The following TASOR variants were observed in gnomAD, a reference collection of about 807,000 sequenced individuals.
TASOR encodes the protein protein TASOR.
TASOR carries 53 observed loss-of-function variants against 178.6 expected under a neutral mutation model. That is an observed-to-expected ratio of 0.30 (90% CI 0.24 to 0.37). TASOR has a LOEUF of 0.37. TASOR is among the 10% of genes least tolerant of loss of function. The probability of loss-of-function intolerance (pLI) is 1.00; values close to 1 mark genes in which losing one functional copy is unlikely to be tolerated. For synonymous variants in TASOR, 713 were observed against 696.2 expected (o/e 1.02, Z -0.38); for missense variants, 1,815 against 1,971.4 (o/e 0.92, Z 1.50).
At chr3:56,671,477 A>G (rs1380019715) in intron 3 of TASOR, 123 bp downstream of exon 3, 8 of 631,300 alleles carry the variant, frequency 1.3e-5, no homozygotes, top group Non-Finnish European at 2.1e-5. Context: ...CCATTAAATC[A>G]TGTATTCCAC....
rs1490306633 is a variant in TASOR, at chr3:56,623,174, G to A, written c.4876C>T (p.Leu1626Phe). 1 of 1,613,618 alleles carries A rather than the reference G, an allele frequency of 6.2e-7. No individual in the cohort carries two copies. The highest frequency in any genetic ancestry group is 8.5e-7 in the Non-Finnish European group (1 of 1,179,858). ...TTTTCTTGAGACTGACTTGATGAAA[G>A]GGCATATGGTGTCCCCAAAAATGTC... ...HQTFLGTPYA[L>F]SSSQSQENEN... The change falls in exon 24 of 24, where the codon CTT becomes TTT. Residue 1626 changes from leucine (L) to phenylalanine (F), a missense_variant. Coordinates refer to ENST00000683822, the MANE Select transcript of TASOR (RefSeq NM_001365635.2).
intron 5 of TASOR, 55 bp downstream of exon 5, chr3:56,669,645 T>G: frequency 2.6e-6 from 3 of 1,139,648 alleles, no homozygotes; most frequent in Non-Finnish European, 3.8e-6. Flanking sequence ...ATCTAAAAAT[T>G]AAAATCCAAA....
Position 56,621,818 on chromosome 3 carries a change from TAAA to T in TASOR, c.*1216_*1218del, listed in dbSNP as rs11401064. 4.1e-4 allele frequency: 55 copies of T among 134,020 alleles called. No homozygotes were observed. Among genetic ancestry groups the T allele is most frequent in the Middle Eastern group, 3.5e-3 (1 of 286 alleles). 8.3% of individuals were successfully genotyped at this position (134,020 alleles called of 1,614,324 possible). On this transcript the variant is annotated 3_prime_UTR_variant, in exon 24 of 24. Coordinates refer to ENST00000683822, the MANE Select transcript of TASOR (RefSeq NM_001365635.2). ...TACTTCTTTTGTAAAAGCTTAGTAGTAAAAAAAAAAAAAAAAAAACCGGTTCTT... is the reference window on the plus strand; with the variant it reads ...TACTTCTTTTGTAAAAGCTTAGTAGTAAAAAAAAAAAAAAAACCGGTTCTT...
intron 1 of TASOR, among the ~76,000 whole-genome samples, chr3:56,677,749 A>G (rs2031437529): frequency 6.6e-6 from 1 of 152,182 alleles, no homozygotes; most frequent in Non-Finnish European, 1.5e-5. Context: ...TCGTTCTAAT[A>G]CTGCTCTTTC....
chr3:56,638,181 A>T lies in TASOR; in HGVS notation c.2824+525T>A, dbSNP rs185930607. Among the ~76,000 whole-genome samples the T allele has an allele frequency of 3.3e-5, 5 of 152,216 alleles. No individual in the cohort carries two copies. In the South Asian group the frequency reaches 1.0e-3, roughly 32 times the overall value. ...GGAGTTTGAGACCAGCCTGGCAAAC[A>T]TGGTGAAATCCCGTCTCTACTAAAA... On this transcript the variant is annotated intron_variant, in intron 17 of 23. Coordinates refer to ENST00000683822, the MANE Select transcript of TASOR (RefSeq NM_001365635.2).
At chr3:56,665,743 A>G (rs6787227) in intron 7 of TASOR, among the ~76,000 whole-genome samples, 93,542 of 151,742 alleles carry the variant, frequency 0.62, 31,444 homozygotes, top group East Asian at 0.96. Context: ...AGGTCGAGGC[A>G]GTAAGATCCC....
rs1256477383 is a variant in TASOR at position 56,647,160 on chromosome 3, T to C, written c.1577A>G (p.Lys526Arg). ...ERHESMPDVL[K>R]IAQFLQFSLI... Reference sequence around the variant, plus strand: ...AGAAAATTGTAAAAACTGAGCTATTTTTAATACATCTGGCATGCTCTCATG... The same window carrying C: ...AGAAAATTGTAAAAACTGAGCTATTCTTAATACATCTGGCATGCTCTCATG... The change falls in exon 14 of 24, where the codon AAA (lysine) becomes AGA (arginine). Residue 526 changes from lysine (K) to arginine (R), a missense_variant. Around this residue, in one of 5 missense-constraint regions of TASOR, gnomAD observed 504 missense variants for 645.3 expected, o/e 0.78. Coordinates refer to ENST00000683822, the MANE Select transcript of TASOR (RefSeq NM_001365635.2). 3 of 1,600,928 alleles carry C rather than the reference T, an allele frequency of 1.9e-6. No individual in the cohort carries two copies. The highest frequency in any genetic ancestry group is 2.5e-6 in the Non-Finnish European group (3 of 1,176,674).
intron 11 of TASOR, among the ~76,000 whole-genome samples, chr3:56,657,527 T>G (rs546165461): frequency 6.6e-6 from 1 of 152,256 alleles, no homozygotes; most frequent in Admixed American, 6.5e-5. Context: ...TACCTTAAGA[T>G]TTAGATCTGT....
At chr3:56,662,246 C>A in intron 9 of TASOR, 139 bp downstream of exon 9, 1 of 599,070 alleles carries the variant, frequency 1.7e-6, no homozygotes, top group Non-Finnish European at 3.0e-6. Context: ...TTCAAATCAA[C>A]CATTTAAAAA....
intron 5 of TASOR, among the ~76,000 whole-genome samples, chr3:56,669,355 T>C (rs2030415589): frequency 6.6e-6 from 1 of 151,954 alleles, no homozygotes; most frequent in African/African-American, 2.4e-5. Flanking sequence ...TACAAAAAAT[T>C]AGCCGGGCTT....
In TASOR at chr3:56,653,072, G is replaced by A. The variant is rs2077385463; in HGVS notation, c.1369-4015C>T. Among the ~76,000 whole-genome samples, 3 of 151,820 alleles carry A rather than the reference G, an allele frequency of 2.0e-5. No individual in the cohort carries two copies. The South Asian group carries it at 6.2e-4, about 32-fold the overall frequency. On this transcript the variant is annotated intron_variant, in intron 11 of 23. Transcript: ENST00000683822. ...CTGAGGTCAGGAGTTCACAACCACT[G>A]GCCAACATGGCGAAACCCTGTCTCT... is the stretch of plus-strand genomic sequence containing the variant.
chr3:56,621,706 C>CTAGAT lies in TASOR; in HGVS notation c.*1326_*1330dup. On this transcript the variant is annotated 3_prime_UTR_variant, in exon 24 of 24. Coordinates refer to ENST00000683822, the MANE Select transcript of TASOR (RefSeq NM_001365635.2). ...GGCTCAACTGTATTTTTCAAATAGC[C>CTAGAT]TAGATTTACTTATTTTTTTAAATGC... is the stretch of plus-strand genomic sequence containing the variant. The CTAGAT allele has an allele frequency of 1.2e-6, 1 of 836,078 alleles. No homozygotes were observed. Among genetic ancestry groups the CTAGAT allele is most frequent in the African/African-American group, 1.7e-5 (1 of 58,050 alleles). The allele number at this position is 836,078 out of a possible 1,614,324, so 51.8% of individuals were successfully genotyped here. A position where few individuals can be genotyped will look rare whatever the true frequency, so the allele number is the denominator to read the frequency against.
chr3:56,640,619 A>C (rs560971054), intron 15 of TASOR, among the ~76,000 whole-genome samples: 104 of 152,292 alleles, frequency 6.8e-4, no homozygotes, highest in African/African-American at 2.3e-3. Flanking sequence ...CCCTTGAAAT[A>C]AATATCCCAA....
At position 56,624,564 on chromosome 3, in the gene TASOR, A is replaced by G; in HGVS notation, c.4398T>C (p.Phe1466=). 6.2e-7 allele frequency: 1 copy of G among 1,614,120 alleles called. No homozygotes were observed. Among genetic ancestry groups the G allele is most frequent in the African/African-American group, 1.3e-5 (1 of 75,050 alleles). The change falls in exon 23 of 24, where the codon TTT becomes TTC. Residue 1466 remains phenylalanine (F), a synonymous_variant. Transcript: ENST00000683822. The part of the protein sequence containing the change: ...VATAEDFMQN[F]KNLVGYHNSI... ...AATTGTGATAGCCCACAAGATTTTT[A>G]AAGTTTTGCATGAAGTCTTCAGCAG...
At chr3:56,654,289 T>C (rs574643695) in intron 11 of TASOR, among the ~76,000 whole-genome samples, 3 of 143,018 alleles carry the variant, frequency 2.1e-5, no homozygotes, top group African/African-American at 7.8e-5. Flanking sequence ...GCAGAGATGG[T>C]ATAAGAAAGG....
intron 11 of TASOR, among the ~76,000 whole-genome samples, chr3:56,650,065 C>T (rs892685720): frequency 1.3e-5 from 2 of 152,096 alleles, no homozygotes; most frequent in South Asian, 2.1e-4. Context: ...CAGTGCAGGA[C>T]GCAGAAAAAC....
chr3:56,682,909 T>C lies in TASOR; in HGVS notation c.98A>G (p.Glu33Gly), dbSNP rs532958497. Residue 33 changes from glutamate to glycine, a missense_variant, in exon 1 of 24, where the codon GAG (glutamate) becomes GGG (glycine). This residue lies in a region of TASOR where 244 missense variants were observed against 202.7 expected (regional missense o/e 1.20). Coordinates refer to ENST00000683822, the MANE Select transcript of TASOR (RefSeq NM_001365635.2). ...GCCATTTTGTTGGGAGGACTCAAGC[T>C]CCGGAAGCGCCTGCTTCATCTCGTC... ...GDDEMKQALP[E>G]LESSQQNGGG... is the part of the protein sequence containing the mutation. 51 of 1,539,346 alleles carry C rather than the reference T, an allele frequency of 3.3e-5. No homozygotes were observed. The South Asian group carries it at 5.9e-4, about 18-fold the overall frequency.
Position 56,649,046 on chromosome 3 carries a change from T to C in TASOR, c.1380A>G (p.Lys460=), listed in dbSNP as rs1444731431. 1.2e-6 allele frequency: 2 copies of C among 1,606,696 alleles called. No individual in the cohort carries two copies. Among genetic ancestry groups the C allele is most frequent in the Non-Finnish European group, 8.5e-7 (1 of 1,177,674 alleles). ...AAAGGTATCCTCGGTCTCCCAAAGG[T>C]TTAACAAGAACCTGTATTTTGAGGG... The part of the protein sequence containing the change: ...KLDREKLVLV[K]PLGDRGYLFL... The change falls in exon 12 of 24, where the codon AAA becomes AAG. Residue 460 remains lysine (K), a synonymous_variant. Transcript: ENST00000683822.
intron 7 of TASOR, among the ~76,000 whole-genome samples, chr3:56,665,699 C>T (rs1007585433): frequency 3.3e-5 from 5 of 151,292 alleles, no homozygotes; most frequent in African/African-American, 1.2e-4. Flanking sequence ...TGGCCAGGTG[C>T]GGTGGCTGAC....
Sources: gnomAD v4.1 joint callset for allele counts (sites outside exome capture counted in the v4.1 genomes callset) on GRCh38, gnomAD v4.1.1 for gene constraint, gnomAD v4.1.1 regional missense constraint, MANE v1.5 for transcripts, NCBI Gene and HGNC (gene_info 2026-07-23, HGNC 2026-07-21) for gene names.